FRMD4A: variants seen among roughly 807,000 people sequenced by gnomAD.
FRMD4A encodes FERM domain containing 4A, also known as FERM domain-containing protein 4A.
FRMD4A carries 29 observed loss-of-function variants against 129.1 expected under a neutral mutation model. The observed-to-expected ratio is 0.22, with a 90% CI of 0.17 to 0.31. The LOEUF is 0.31. Among genes scored for constraint, FRMD4A ranks in the 10% least tolerant of loss-of-function variants. The pLI, the probability that FRMD4A is intolerant of heterozygous loss-of-function variation, is 1.00. For synonymous variants in FRMD4A, 634 were observed against 571.6 expected (o/e 1.11, Z -1.56); for missense variants, 1,272 against 1,375.8 (o/e 0.92, Z 1.19).
At chr10:14,018,584 G>A (rs2095706669) in intron 2 of FRMD4A, among the ~76,000 whole-genome samples, 1 of 151,990 alleles carries the variant, frequency 6.6e-6, no homozygotes, top group Non-Finnish European at 1.5e-5. Context: ...TAGGGAGGAA[G>A]TGACACCATC....
chr10:14,263,458 C>T (rs552633986), intron 2 of FRMD4A, among the ~76,000 whole-genome samples: 1 of 152,290 alleles, frequency 6.6e-6, no homozygotes, highest in East Asian at 1.9e-4. Context: ...AGAAGTGCAT[C>T]CATTCCACGT....
chr10:13,702,984 G>GA (rs1283951270), intron 13 of FRMD4A, among the ~76,000 whole-genome samples: 4 of 151,422 alleles, frequency 2.6e-5, no homozygotes, highest in African/African-American at 9.7e-5. Context: ...AGGAGCCAGG[G>GA]AGAGAGCGAG....
chr10:14,113,543 TTAG>T (rs1838038466), intron 2 of FRMD4A, among the ~76,000 whole-genome samples: 1 of 152,170 alleles, frequency 6.6e-6, no homozygotes, highest in East Asian at 1.9e-4. Context: ...CAGTAGACTA[TTAG>T]TAGTTAAATT....
intron 2 of FRMD4A, among the ~76,000 whole-genome samples, chr10:13,919,288 G>A (rs1881582): frequency 0.75 from 113,973 of 152,164 alleles, 43,241 homozygotes; most frequent in South Asian, 0.91. Context: ...GTTTGACTTA[G>A]GAAGCTGTTC....
At chr10:13,950,230 G>C (rs1588497724) in intron 2 of FRMD4A, among the ~76,000 whole-genome samples, 1 of 152,244 alleles carries the variant, frequency 6.6e-6, no homozygotes, top group East Asian at 1.9e-4. Flanking sequence ...GGCAAAAAAA[G>C]AAAGGGACAT....
chr10:13,790,044 G>A (rs2130805053), intron 5 of FRMD4A, among the ~76,000 whole-genome samples: 1 of 152,164 alleles, frequency 6.6e-6, no homozygotes, highest in African/African-American at 2.4e-5. Flanking sequence ...GAGGTTTATG[G>A]AAGCCCTAAT....
intron 2 of FRMD4A, among the ~76,000 whole-genome samples, chr10:13,938,163 T>C (rs2095263158): frequency 6.6e-6 from 1 of 152,232 alleles, no homozygotes. Flanking sequence ...CATTTCATTA[T>C]TAAGCACTCT....
At chr10:13,962,801 C>T (rs1450794863) in intron 2 of FRMD4A, among the ~76,000 whole-genome samples, 1 of 152,126 alleles carries the variant, frequency 6.6e-6, no homozygotes, top group Non-Finnish European at 1.5e-5. Flanking sequence ...AGAGACAGAA[C>T]CCAAATTACT....
intron 6 of FRMD4A, among the ~76,000 whole-genome samples, chr10:13,772,319 A>G (rs920933448): frequency 6.6e-6 from 1 of 151,738 alleles, no homozygotes; most frequent in Non-Finnish European, 1.5e-5. Flanking sequence ...CTTAGAGACC[A>G]GAATAGATGC....
intron 2 of FRMD4A, among the ~76,000 whole-genome samples, chr10:14,169,050 T>C (rs1346874968): frequency 1.3e-5 from 2 of 152,246 alleles, no homozygotes; most frequent in Non-Finnish European, 2.9e-5. Flanking sequence ...AGTGGCTCTT[T>C]GTAAGAGAAT....
chr10:13,703,028 A>G (rs1262568542), intron 13 of FRMD4A, among the ~76,000 whole-genome samples: 4 of 152,140 alleles, frequency 2.6e-5, no homozygotes, highest in Non-Finnish European at 4.4e-5. Flanking sequence ...CTAAATTTAA[A>G]AGAAAACAGG....
chr10:14,089,975 C>A (rs1247133022), intron 2 of FRMD4A, among the ~76,000 whole-genome samples: 1 of 152,182 alleles, frequency 6.6e-6, no homozygotes, highest in Non-Finnish European at 1.5e-5. Context: ...AGAGCAGGGC[C>A]GATATTCTCT....
chr10:14,063,002 G>A (rs776488696), intron 2 of FRMD4A, among the ~76,000 whole-genome samples: 6 of 152,112 alleles, frequency 3.9e-5, no homozygotes, highest in Non-Finnish European at 7.4e-5. Context: ...TCCTATCGAC[G>A]TTGAATGTTT....
intron 2 of FRMD4A, among the ~76,000 whole-genome samples, chr10:14,138,047 T>C (rs1839637718): frequency 6.6e-6 from 1 of 152,192 alleles, no homozygotes; most frequent in South Asian, 2.1e-4. Flanking sequence ...TGGCATCCCA[T>C]TAGGTAAGCA....
intron 15 of FRMD4A, 125 bp downstream of exon 15, chr10:13,693,773 G>T: frequency 9.5e-7 from 1 of 1,048,996 alleles, no homozygotes; most frequent in Non-Finnish European, 1.4e-6. Flanking sequence ...GGTCTGGAAA[G>T]CAAAGCCAGC....
intron 2 of FRMD4A, among the ~76,000 whole-genome samples, chr10:13,919,333 A>G (rs1427671644): frequency 6.6e-6 from 1 of 152,216 alleles, no homozygotes. Flanking sequence ...ATAAGTAAGT[A>G]GATGCCTATA....
chr10:14,200,531 G>T (rs1842605304), intron 2 of FRMD4A, among the ~76,000 whole-genome samples: 1 of 152,184 alleles, frequency 6.6e-6, no homozygotes, highest in Non-Finnish European at 1.5e-5. Flanking sequence ...GACCTCAGGT[G>T]ATATCATTTT....
intron 2 of FRMD4A, among the ~76,000 whole-genome samples, chr10:14,047,744 G>A (rs569314704): frequency 1.3e-5 from 2 of 152,316 alleles, no homozygotes; most frequent in African/African-American, 2.4e-5. Context: ...CCAAGTCCAG[G>A]AAGTATGGGA....
chr10:13,956,450 C>A (rs745569289), intron 2 of FRMD4A, among the ~76,000 whole-genome samples: 4 of 152,224 alleles, frequency 2.6e-5, no homozygotes, highest in Non-Finnish European at 4.4e-5. Context: ...CTATGTCCAG[C>A]CTTATGTAGG....
Sources: gnomAD v4.1 joint callset for allele counts (sites outside exome capture counted in the v4.1 genomes callset) on GRCh38, gnomAD v4.1.1 for gene constraint, MANE v1.5 for transcripts, NCBI Gene and HGNC (gene_info 2026-07-23, HGNC 2026-07-21) for gene names.